Variants in FTO observed in about 807,000 individuals in gnomAD.
FTO encodes the protein alpha-ketoglutarate-dependent dioxygenase FTO.
In FTO, 47 loss-of-function variants were observed where a neutral mutation model predicts 63.9. The observed-to-expected ratio is 0.74, with a 90% CI of 0.58 to 0.94. FTO has a LOEUF of 0.94. FTO is among the 40% of genes least tolerant of loss of function. The pLI, the probability that FTO is intolerant of heterozygous loss-of-function variation, is 0.00. For synonymous variants in FTO, 207 were observed against 224.4 expected, an observed-to-expected ratio of 0.92 and a Z score of 0.69; for missense variants, 562 against 618.1, an observed-to-expected ratio of 0.91 and a Z score of 0.96.
At position 53,969,071 on chromosome 16, in the gene FTO, G is replaced by A. The variant is rs548128241; in HGVS notation, c.1364+34962G>A. Among the ~76,000 whole-genome samples the A allele has an allele frequency of 2.6e-5, 4 of 152,264 alleles. No homozygotes were observed. The East Asian group carries it at 5.8e-4, about 22-fold the overall frequency. On this transcript the variant is annotated intron_variant, in intron 8 of 8. Transcript: ENST00000471389. ...TCTGAGACACTTTCTGGTTTACTTT[G>A]TAAATGGGGCAATGAAGCATTCTTA...
intron 4 of FTO, among the ~76,000 whole-genome samples, chr16:53,855,544 CT>C (rs147009430): frequency 1.1e-4 from 16 of 147,274 alleles, no homozygotes; most frequent in East Asian, 3.9e-4. Flanking sequence ...CAAGAACTGG[CT>C]TTTTTTTTTC....
intron 8 of FTO, among the ~76,000 whole-genome samples, chr16:53,989,056 G>T (rs1009710862): frequency 6.6e-6 from 1 of 152,076 alleles, no homozygotes; most frequent in African/African-American, 2.4e-5. Context: ...GTAAGTAAAG[G>T]GGTATGGCTA....
Position 54,035,364 on chromosome 16 carries a change from C to T in FTO, c.1365-76398C>T, listed in dbSNP as rs148462882. ...CCTCAGTTTGGTTGAGGGCAACATG[C>T]GGAGTATCTCAGCTGAACACAGATC... is the stretch of plus-strand genomic sequence containing the variant. On this transcript the variant is annotated intron_variant, in intron 8 of 8. Transcript: ENST00000471389. 2.0e-4 allele frequency among the ~76,000 whole-genome samples: 31 copies of T among 152,290 alleles called. No homozygotes were observed. The East Asian group carries it at 2.9e-3, about 14-fold the overall frequency.
At chr16:53,831,434 A>G (rs1598771411) in intron 3 of FTO, among the ~76,000 whole-genome samples, 1 of 145,158 alleles carries the variant, frequency 6.9e-6, no homozygotes. Flanking sequence ...TGAAGAGCCA[A>G]GAAGGCTCAC....
At chr16:53,922,401 G>GC (rs2082028006) in intron 7 of FTO, among the ~76,000 whole-genome samples, 2 of 152,150 alleles carry the variant, frequency 1.3e-5, no homozygotes, top group African/African-American at 4.8e-5. Context: ...GAATACGCAG[G>GC]CAAGTGGAGT....
At chr16:53,818,851 G>A (rs1567324671) in intron 2 of FTO, among the ~76,000 whole-genome samples, 1 of 151,908 alleles carries the variant, frequency 6.6e-6, no homozygotes, top group Non-Finnish European at 1.5e-5. Context: ...GGGCATTTTG[G>A]TGGTTTTCAG....
chr16:53,733,624 G>A (rs1356762506), intron 1 of FTO, among the ~76,000 whole-genome samples: 1 of 152,120 alleles, frequency 6.6e-6, no homozygotes, highest in East Asian at 1.9e-4. Flanking sequence ...TGAGATGGTC[G>A]ATATAATTTA....
intron 8 of FTO, among the ~76,000 whole-genome samples, chr16:54,009,936 T>C (rs1432270387): frequency 1.3e-5 from 2 of 152,182 alleles, no homozygotes; most frequent in African/African-American, 2.4e-5. Context: ...TGTAAAGTGA[T>C]GTTTCCCATA....
intron 1 of FTO, among the ~76,000 whole-genome samples, chr16:53,729,409 C>A (rs182991978): frequency 1.3e-5 from 2 of 151,816 alleles, no homozygotes; most frequent in African/African-American, 4.8e-5. Flanking sequence ...TGCCTGTATT[C>A]TAGCTACTCG....
At chr16:53,976,836 C>G (rs1024324099) in intron 8 of FTO, among the ~76,000 whole-genome samples, 15 of 152,146 alleles carry the variant, frequency 9.9e-5, no homozygotes, top group African/African-American at 3.6e-4. Context: ...TGTCTGGTAG[C>G]TGTTGAGTTT....
intron 1 of FTO, among the ~76,000 whole-genome samples, chr16:53,766,774 C>T (rs917866693): frequency 6.6e-6 from 1 of 152,100 alleles, no homozygotes; most frequent in Non-Finnish European, 1.5e-5. Context: ...CATTGTTGTT[C>T]TTTAGGTTGT....
chr16:53,834,080 A>G (rs569180236), intron 3 of FTO, among the ~76,000 whole-genome samples: 9 of 151,660 alleles, frequency 5.9e-5, no homozygotes, highest in Admixed American at 4.6e-4. Context: ...GCTGGAGTGC[A>G]GTGGCGCGAT....
chr16:53,824,883 C>G lies in FTO; in HGVS notation c.124-981C>G, dbSNP rs529772185. Among the ~76,000 whole-genome samples the G allele has an allele frequency of 5.9e-5, 9 of 152,278 alleles. No homozygotes were observed. The South Asian group carries it at 1.9e-3, about 32-fold the overall frequency. On this transcript the variant is annotated intron_variant, in intron 2 of 8. Transcript: ENST00000471389. The stretch of plus-strand genomic sequence containing the variant: ...TTGCATTTTACAGAATCAGGAAACT[C>G]CAGTCTGACACCGATTCACATGCCA...
intron 8 of FTO, among the ~76,000 whole-genome samples, chr16:53,954,106 T>C (rs2082865054): frequency 6.6e-6 from 1 of 152,192 alleles, no homozygotes; most frequent in Non-Finnish European, 1.5e-5. Flanking sequence ...GTTCATAGAT[T>C]GTTGATAGAT....
chr16:53,957,824 A>T (rs1387729732), intron 8 of FTO, among the ~76,000 whole-genome samples: 2 of 152,244 alleles, frequency 1.3e-5, no homozygotes, highest in Non-Finnish European at 1.5e-5. Flanking sequence ...TAATTTTTTT[A>T]AAGTACCTTC....
At chr16:53,787,110 C>CAAAAAAAAAAAAAAAAAAAAAAAAAAA (rs35391915) in intron 1 of FTO, among the ~76,000 whole-genome samples, 1 of 56,162 alleles carries the variant, frequency 1.8e-5, no homozygotes, top group African/African-American at 8.7e-5. Context: ...GACTCCTTCT[C>CAAAAAAAAAAAAAAAAAAAAAAAAAAA]AAAAAAAAAA....
At chr16:53,815,883 A>G (rs907868797) in intron 2 of FTO, among the ~76,000 whole-genome samples, 3 of 151,838 alleles carry the variant, frequency 2.0e-5, no homozygotes, top group Admixed American at 2.0e-4. Context: ...TCCTGACCTC[A>G]AGTGATCCGC....
chr16:53,746,128 AG>A lies in FTO; in HGVS notation c.45+41900del, dbSNP rs1218607546. 4.6e-5 allele frequency among the ~76,000 whole-genome samples: 7 copies of A among 152,320 alleles called. No homozygotes were observed. The East Asian group carries it at 1.2e-3, about 25-fold the overall frequency. The stretch of plus-strand genomic sequence containing the variant: ...GTAATCTTCCTCTGAGCACACTGGA[AG>A]ATTACAGTTCCCAGCTTCCTTGCAG... On this transcript the variant is annotated intron_variant, in intron 1 of 8. Transcript: ENST00000471389.
intron 5 of FTO, among the ~76,000 whole-genome samples, chr16:53,876,921 C>A (rs571907986): frequency 2.0e-5 from 3 of 152,130 alleles, no homozygotes; most frequent in African/African-American, 7.2e-5. Context: ...AGCAAGACTC[C>A]GTCTTCACAC....
Sources: allele counts gnomAD v4.1 joint callset (sites outside exome capture counted in the v4.1 genomes callset), GRCh38; gene constraint gnomAD v4.1.1; transcripts MANE v1.5; gene names NCBI Gene and HGNC (gene_info 2026-07-23, HGNC 2026-07-21).